ATXN10: variants seen among roughly 807,000 people sequenced by gnomAD.
ATXN10 encodes the protein ataxin 10, also known as ataxin-10.
A neutral mutation model predicts 52.9 loss-of-function variants in ATXN10; 28 were observed. That is an observed-to-expected ratio of 0.53 (90% CI 0.39 to 0.73). ATXN10 has a LOEUF of 0.73. Among genes scored for constraint, ATXN10 ranks in the 30% least tolerant of loss-of-function variants. The pLI is 0.00. For missense variants in ATXN10, 565 were observed against 577.0 expected (o/e 0.98, Z 0.21); for synonymous variants, 226 against 221.5 (o/e 1.02, Z -0.18).
In ATXN10 at chr22:45,770,698, A is replaced by G. The variant is rs1015025816; in HGVS notation, c.1173+30160A>G. Among the ~76,000 whole-genome samples the G allele has an allele frequency of 6.6e-6, 1 of 152,220 alleles. No homozygotes were observed. The highest frequency in any genetic ancestry group is 2.4e-5 in the African/African-American group (1 of 41,462). ...AACAAACTTGTAAGCATGATAGCTC[A>G]CTGCAGCTGGGCTCAGCCCAGGATC... On this transcript the variant is annotated intron_variant, in intron 9 of 11. Transcript: ENST00000252934. The surrounding 1 kb of genome is among the most constrained non-coding windows in gnomAD (Gnocchi z 4.5).
intron 10 of ATXN10, among the ~76,000 whole-genome samples, chr22:45,808,064 A>C (rs991252170): frequency 6.6e-6 from 1 of 152,254 alleles, no homozygotes; most frequent in African/African-American, 2.4e-5. Flanking sequence ...TAAAGAGCAC[A>C]GTAGCTTGTA....
At position 45,841,474 on chromosome 22, in the gene ATXN10, C is replaced by T. The variant is rs776246584; in HGVS notation, c.1238-1517C>T. ...GCCCAAGGCCCCAGGAACACACGACCACAGCTGTGGAGGAGCTGGGAGACA... is the reference window on the plus strand; with the variant it reads ...GCCCAAGGCCCCAGGAACACACGACTACAGCTGTGGAGGAGCTGGGAGACA... On this transcript the variant is annotated intron_variant, in intron 10 of 11. Transcript: ENST00000252934. This position sits in a 1 kb window ranked among gnomAD's most constrained non-coding sequence, Gnocchi z 5.1. 1.3e-5 allele frequency among the ~76,000 whole-genome samples: 2 copies of T among 152,200 alleles called. No individual in the cohort carries two copies. The highest frequency in any genetic ancestry group is 2.9e-5 in the Non-Finnish European group (2 of 68,030).
intron 10 of ATXN10, among the ~76,000 whole-genome samples, chr22:45,817,969 G>A (rs983209789): frequency 1.3e-5 from 2 of 152,150 alleles, no homozygotes; most frequent in African/African-American, 2.4e-5. Context: ...CCTTAGCAAC[G>A]GGCTCCCAGG....
At position 45,729,974 on chromosome 22, in the gene ATXN10, A is replaced by G. The variant is rs186190684; in HGVS notation, c.894+384A>G. Among the ~76,000 whole-genome samples, 29 of 152,306 alleles carry G rather than the reference A, an allele frequency of 1.9e-4. No homozygotes were observed. In the East Asian group the frequency reaches 4.2e-3, roughly 22 times the overall value. On this transcript the variant is annotated intron_variant, in intron 7 of 11. Transcript: ENST00000252934. ...TTTTGACTGTTGTGTCCATAGTACT[A>G]TGTATATGGTAGGCACTGAACAAGT...
chr22:45,740,216 C>T, intron 8 of ATXN10, 153 bp from the exon 9 acceptor site: 3 of 731,342 alleles, frequency 4.1e-6, no homozygotes, highest in Non-Finnish European at 4.4e-6. Flanking sequence ...GAAGCAAAGG[C>T]AGAAGAGCCT....
chr22:45,756,379 G>C (rs910557650), intron 9 of ATXN10, among the ~76,000 whole-genome samples: 1 of 151,960 alleles, frequency 6.6e-6, no homozygotes, highest in African/African-American at 2.4e-5. Flanking sequence ...CCCTGGGCTC[G>C]AGTGATCTTC....
Position 45,708,916 on chromosome 22 carries a change from G to A in ATXN10, c.647+6069G>A, listed in dbSNP as rs1924140317. On this transcript the variant is annotated intron_variant, in intron 5 of 11. Coordinates refer to ENST00000252934, the MANE Select transcript of ATXN10 (RefSeq NM_013236.4). The surrounding 1 kb of genome is among the most constrained non-coding windows in gnomAD (Gnocchi z 5.3). ...TGTCTCCCAAAGTGCTGGGATTACA[G>A]GCATGAGCCACCGTGCCCACCTAAA... 6.6e-6 allele frequency among the ~76,000 whole-genome samples: 1 copy of A among 152,196 alleles called. No homozygotes were observed. Among genetic ancestry groups the A allele is most frequent in the Non-Finnish European group, 1.5e-5 (1 of 68,030 alleles).
In ATXN10 at chr22:45,762,853, C is replaced by G. The variant is rs1397209598; in HGVS notation, c.1173+22315C>G. Among the ~76,000 whole-genome samples, 1 of 152,164 alleles carries G rather than the reference C, an allele frequency of 6.6e-6. No individual in the cohort carries two copies. Among genetic ancestry groups the G allele is most frequent in the Non-Finnish European group, 1.5e-5 (1 of 68,024 alleles). On this transcript the variant is annotated intron_variant, in intron 9 of 11. Transcript: ENST00000252934. This position sits in a 1 kb window ranked among gnomAD's most constrained non-coding sequence, Gnocchi z 4.3. ...AAGTGAGAGTAATTGCGTGGCTTCC[C>G]TTGGGTCTGTCTCCATCCCTGTTGT...
intron 6 of ATXN10, among the ~76,000 whole-genome samples, chr22:45,722,738 G>A (rs553830028): frequency 6.6e-6 from 1 of 152,084 alleles, no homozygotes; most frequent in South Asian, 2.1e-4. Flanking sequence ...TGTTGCTGCT[G>A]AACAACTTTG....
chr22:45,706,673 T>C (rs1045771462), intron 5 of ATXN10, among the ~76,000 whole-genome samples: 3 of 152,292 alleles, frequency 2.0e-5, no homozygotes, highest in African/African-American at 7.2e-5. Flanking sequence ...TATTTGGGAG[T>C]TTGTTGTTTA....
At chr22:45,723,591 T>A (rs1356714263) in intron 6 of ATXN10, among the ~76,000 whole-genome samples, 1 of 152,178 alleles carries the variant, frequency 6.6e-6, no homozygotes, top group African/African-American at 2.4e-5. Flanking sequence ...TGGGTACCCA[T>A]AGCTTAACTC....
chr22:45,801,335 G>A (rs1927924679), intron 9 of ATXN10, among the ~76,000 whole-genome samples: 1 of 152,232 alleles, frequency 6.6e-6, no homozygotes, highest in South Asian at 2.1e-4. Context: ...GCCAGACTTT[G>A]GCTCTGAGTT....
intron 9 of ATXN10, among the ~76,000 whole-genome samples, chr22:45,752,536 AGGGGTTGGGGTT>A (rs903192498): frequency 4.2e-5 from 2 of 47,768 alleles, no homozygotes; most frequent in African/African-American, 2.3e-4. Context: ...GTGGCACCTG[AGGGGTTGGGGTT>A]GGGGTTGGGG....
In ATXN10 at chr22:45,840,236, C is replaced by T. The variant is rs539229076; in HGVS notation, c.1238-2755C>T. On this transcript the variant is annotated intron_variant, in intron 10 of 11. Transcript: ENST00000252934. The surrounding 1 kb of genome is among the most constrained non-coding windows in gnomAD (Gnocchi z 5.8). Reference sequence around the variant, plus strand: ...TTTGTGCTGGGAACGAGACTCGGTGCTAGGATATCGAAGTCAATTAGATGG... The same window carrying T: ...TTTGTGCTGGGAACGAGACTCGGTGTTAGGATATCGAAGTCAATTAGATGG... Among the ~76,000 whole-genome samples, 1 of 152,092 alleles carries T rather than the reference C, an allele frequency of 6.6e-6. No homozygotes were observed. Among genetic ancestry groups the T allele is most frequent in the African/African-American group, 2.4e-5 (1 of 41,398 alleles).
chr22:45,685,179 C>T (rs1431135973), intron 1 of ATXN10, among the ~76,000 whole-genome samples: 1 of 151,578 alleles, frequency 6.6e-6, no homozygotes, highest in African/African-American at 2.4e-5. Flanking sequence ...ACCTATCTAA[C>T]CTGTTACATA....
chr22:45,685,399 T>G (rs1476920893), intron 1 of ATXN10, among the ~76,000 whole-genome samples: 3 of 152,222 alleles, frequency 2.0e-5, no homozygotes, highest in Admixed American at 6.5e-5. Flanking sequence ...GAATTTTAAT[T>G]GTCCTTGTAA....
At chr22:45,714,218 C>CT (rs958400836) in intron 5 of ATXN10, among the ~76,000 whole-genome samples, 1 of 151,674 alleles carries the variant, frequency 6.6e-6, no homozygotes, top group Non-Finnish European at 1.5e-5. Context: ...GTTGGAGAAC[C>CT]TTTTTTTTCT....
At chr22:45,838,844 A>T (rs192521878) in intron 10 of ATXN10, among the ~76,000 whole-genome samples, 1 of 152,352 alleles carries the variant, frequency 6.6e-6, no homozygotes, top group East Asian at 1.9e-4. Context: ...TTTTGTGATT[A>T]TGATTAAGTC....
At chr22:45,685,229 C>A (rs1017645265) in intron 1 of ATXN10, among the ~76,000 whole-genome samples, 4 of 151,902 alleles carry the variant, frequency 2.6e-5, no homozygotes, top group African/African-American at 9.7e-5. Flanking sequence ...TCAAACAGAA[C>A]TTGCCAAGAT....
Sources: allele counts gnomAD v4.1 joint callset (sites outside exome capture counted in the v4.1 genomes callset), GRCh38; gene constraint gnomAD v4.1.1; non-coding constraint Gnocchi (gnomAD v3.1); transcripts MANE v1.5; gene names NCBI Gene and HGNC (gene_info 2026-07-23, HGNC 2026-07-21).